Variants in SPTAN1 observed in about 807,000 individuals in gnomAD.
The protein encoded by SPTAN1 is spectrin alpha, non-erythrocytic 1, also known as spectrin alpha chain, non-erythrocytic 1.
SPTAN1 carries 61 observed loss-of-function variants against 331.3 expected under a neutral mutation model. The observed-to-expected ratio is 0.18, with a 90% confidence interval of 0.15 to 0.23. The LOEUF (loss-of-function observed/expected upper bound fraction) is 0.23. Among genes scored for constraint, SPTAN1 ranks in the 10% least tolerant of loss-of-function variants. The probability of loss-of-function intolerance (pLI) is 1.00; values close to 1 mark genes in which losing one functional copy is unlikely to be tolerated. For synonymous variants in SPTAN1, 1,153 were observed against 1,173.9 expected (o/e 0.98, Z 0.36); for missense variants, 2,043 against 3,147.9 (o/e 0.65, Z 8.40).
At chr9:128,590,808 G>A (rs985817175) in intron 21 of SPTAN1, among the ~76,000 whole-genome samples, 3 of 152,032 alleles carry the variant, frequency 2.0e-5, no homozygotes, top group South Asian at 2.1e-4. Context: ...CCAAGATCGT[G>A]CCACTGCACT....
chr9:128,608,847 T>A lies in SPTAN1; in HGVS notation c.4492-27T>A, dbSNP rs191971169. ...GCAGGGCCCAGCCACAGGCCCACCTTGATCTCATGCCTTTGTTTTCTGACA... is the reference window on the plus strand; with the variant it reads ...GCAGGGCCCAGCCACAGGCCCACCTAGATCTCATGCCTTTGTTTTCTGACA... On this transcript the variant is annotated intron_variant, in intron 34 of 56. Transcript: ENST00000372739. 1.8e-3 allele frequency: 2,951 copies of A among 1,610,852 alleles called. 2 individuals are homozygous for A. The highest frequency in any genetic ancestry group is 2.4e-3 in the Non-Finnish European group (2,774 of 1,178,108).
At chr9:128,597,843 G>T (rs1854517747) in intron 24 of SPTAN1, among the ~76,000 whole-genome samples, 1 of 151,710 alleles carries the variant, frequency 6.6e-6, no homozygotes, top group Admixed American at 6.6e-5. Context: ...TAGAGACGGG[G>T]TTTCACCATA....
chr9:128,557,612 GAA>G (rs1848787393), intron 1 of SPTAN1, among the ~76,000 whole-genome samples: 1 of 150,432 alleles, frequency 6.6e-6, no homozygotes, highest in Admixed American at 6.6e-5. Context: ...TTTGGGGAAT[GAA>G]AATTCCCCAA....
At chr9:128,591,656 A>G in intron 22 of SPTAN1, 31 bp downstream of exon 22, 1 of 1,612,580 alleles carries the variant, frequency 6.2e-7, no homozygotes. Context: ...CGCAAGGGCT[A>G]GGCGTCCCAT....
rs1589149870 is a variant in SPTAN1, at chr9:128,566,930, C to T, written c.190C>T (p.Leu64Phe). ...EELEKWIQEK[L>F]QIASDENYKD... ...GCTGGAGAAATGGATACAGGAAAAA[C>T]TTCAGATTGCATCTGATGAGAATTA... The change falls in exon 2 of 57, where the codon CTT becomes TTT. Residue 64 changes from leucine (L) to phenylalanine (F), a missense_variant. By Grantham distance (22) the Leu-to-Phe change is conservative. Coordinates refer to ENST00000372739, the MANE Select transcript of SPTAN1 (RefSeq NM_001130438.3). 1.2e-6 allele frequency: 2 copies of T among 1,614,208 alleles called. No individual in the cohort carries two copies. Among genetic ancestry groups the T allele is most frequent in the East Asian group, 4.5e-5 (2 of 44,886 alleles).
chr9:128,597,005 C>CA, intron 24 of SPTAN1, among the ~76,000 whole-genome samples: 1 of 152,240 alleles, frequency 6.6e-6, no homozygotes, highest in East Asian at 1.9e-4. Context: ...GCTGAAAATA[C>CA]AAAAATTAGC....
intron 34 of SPTAN1, 97 bp from the exon 35 acceptor site, chr9:128,608,777 C>T: frequency 8.5e-7 from 1 of 1,177,514 alleles, no homozygotes; most frequent in Non-Finnish European, 1.3e-6. Context: ...AGCTAGTTCT[C>T]AGTCACCCAA....
rs1852205550 is a variant in SPTAN1 at position 128,583,571 on chromosome 9, A to G, written c.2012-217A>G. ...AGCCAAGGGCATTTACTAATTCTCCAGTGTCCTTATATCTCAAGGGGGTTA... is the reference window on the plus strand; with the variant it reads ...AGCCAAGGGCATTTACTAATTCTCCGGTGTCCTTATATCTCAAGGGGGTTA... On this transcript the variant is annotated intron_variant, in intron 15 of 56. Coordinates refer to ENST00000372739, the MANE Select transcript of SPTAN1 (RefSeq NM_001130438.3). Among the ~76,000 whole-genome samples the G allele has an allele frequency of 2.6e-5, 4 of 152,330 alleles. No individual in the cohort carries two copies. The South Asian group carries it at 8.3e-4, about 32-fold the overall frequency.
intron 3 of SPTAN1, among the ~76,000 whole-genome samples, chr9:128,573,623 A>AGG (rs892058444): frequency 2.6e-5 from 4 of 151,518 alleles, no homozygotes; most frequent in Non-Finnish European, 5.9e-5. Flanking sequence ...TGCCCGGCTA[A>AGG]TTTATGTATT....
At chr9:128,608,601 A>G (rs1420205908) in intron 34 of SPTAN1, among the ~76,000 whole-genome samples, 1 of 152,194 alleles carries the variant, frequency 6.6e-6, no homozygotes, top group Non-Finnish European at 1.5e-5. Context: ...TTTTCCTATT[A>G]TCAGGCTTAA....
chr9:128,579,370 G>A (rs1290773010), intron 9 of SPTAN1, among the ~76,000 whole-genome samples: 2 of 152,208 alleles, frequency 1.3e-5, no homozygotes, highest in Non-Finnish European at 2.9e-5. Flanking sequence ...GAATGAAAGA[G>A]AGCTCAGACC....
intron 24 of SPTAN1, among the ~76,000 whole-genome samples, chr9:128,594,796 G>C (rs1006624827): frequency 4.2e-5 from 5 of 118,134 alleles, no homozygotes; most frequent in African/African-American, 1.5e-4. Context: ...ATTCCATCAT[G>C]TATGTAGCTT....
chr9:128,605,109 C>T lies in SPTAN1; in HGVS notation c.3795C>T (p.Leu1265=), dbSNP rs752391374. 8 of 1,613,698 alleles carry T rather than the reference C, an allele frequency of 5.0e-6. No individual in the cohort carries two copies. The highest frequency in any genetic ancestry group is 3.3e-5 in the South Asian group (3 of 91,060). The change falls in exon 30 of 57, where the codon CTC becomes CTT. Residue 1265 remains leucine, a synonymous_variant. Coordinates refer to ENST00000372739, the MANE Select transcript of SPTAN1 (RefSeq NM_001130438.3). ...ACACAGACAATTATGGACATGATCT[C>T]GCCAGTGTCCAGGCCCTGCAACGCA... ...ALNTDNYGHD[L]ASVQALQRKH...
intron 51 of SPTAN1, 99 bp downstream of exon 51, chr9:128,628,041 C>G (rs767505862): frequency 2.0e-6 from 3 of 1,467,164 alleles, no homozygotes; most frequent in African/African-American, 2.8e-5. Flanking sequence ...GATGGGCCTT[C>G]CTGCCCAGGG....
rs1170051982 is a variant in SPTAN1, at chr9:128,582,854, T to G, written c.1806+5T>G. 1 of 1,612,210 alleles carries G rather than the reference T, an allele frequency of 6.2e-7. No individual in the cohort carries two copies. Among genetic ancestry groups the G allele is most frequent in the Non-Finnish European group, 8.5e-7 (1 of 1,180,040 alleles). On this transcript the variant is annotated splice_donor_5th_base_variant and intron_variant, in intron 14 of 56. Transcript: ENST00000372739. ...GCCACAGATGAAGCTTATAAAGTAA[T>G]GTACTGTTAGTGTTGCCATGTAGCA...
chr9:128,589,810 C>T lies in SPTAN1; in HGVS notation c.3006+867C>T, dbSNP rs549360347. On this transcript the variant is annotated intron_variant, in intron 21 of 56. Transcript: ENST00000372739. ...CAGGATGGTCTCGATCTCCTGACCTCGTGATCCACCCGCCTCAGCCTCCCA... is the reference window on the plus strand; with the variant it reads ...CAGGATGGTCTCGATCTCCTGACCTTGTGATCCACCCGCCTCAGCCTCCCA... Among the ~76,000 whole-genome samples the T allele has an allele frequency of 3.7e-3, 568 of 151,988 alleles. 3 individuals are homozygous for T. Among genetic ancestry groups the T allele is most frequent in the African/African-American group, 0.013 (526 of 41,438 alleles).
chr9:128,586,936 G>A (rs965152177), intron 19 of SPTAN1, among the ~76,000 whole-genome samples: 1 of 151,842 alleles, frequency 6.6e-6, no homozygotes, highest in African/African-American at 2.4e-5. Flanking sequence ...TTCTGCCTTG[G>A]CCTCCTAAGT....
At chr9:128,633,010 T>C in intron 56 of SPTAN1, 55 bp downstream of exon 56, 2 of 1,604,908 alleles carry the variant, frequency 1.2e-6, no homozygotes, top group Middle Eastern at 1.7e-4. Context: ...TAAAGCCAAA[T>C]TTGTGGCAGA....
At chr9:128,617,003 C>T (rs895302941) in intron 41 of SPTAN1, among the ~76,000 whole-genome samples, 5 of 151,730 alleles carry the variant, frequency 3.3e-5, no homozygotes, top group African/African-American at 9.7e-5. Context: ...TTTGGGAGAC[C>T]GAGGTGGGCA....
Sources: allele counts gnomAD v4.1 joint callset (sites outside exome capture counted in the v4.1 genomes callset), GRCh38; gene constraint gnomAD v4.1.1; transcripts MANE v1.5; gene names NCBI Gene and HGNC (gene_info 2026-07-23, HGNC 2026-07-21).